KHDRBS2: variants seen among roughly 807,000 people sequenced by gnomAD.
KHDRBS2 encodes KH domain-containing, RNA-binding, signal transduction-associated protein 2.
Under a neutral mutation model 44.3 loss-of-function variants are expected in KHDRBS2, and 26 were observed. That is an observed-to-expected ratio of 0.59 (90% CI 0.43 to 0.81). KHDRBS2 has a LOEUF of 0.81. Among genes scored for constraint, KHDRBS2 ranks in the 40% least tolerant of loss-of-function variants. KHDRBS2 has a pLI of 0.00. For missense variants in KHDRBS2, 476 were observed against 433.1 expected, an observed-to-expected ratio of 1.10 and a Z score of -0.88; for synonymous variants, 194 against 151.1, an observed-to-expected ratio of 1.28 and a Z score of -2.08.
chr6:61,829,491 T>C lies in KHDRBS2; in HGVS notation c.810+65144A>G, dbSNP rs533779325. On this transcript the variant is annotated intron_variant, in intron 6 of 8. Transcript: ENST00000281156. Reference sequence around the variant, plus strand: ...ATTGAGAATTTTAAGGAGATTGCTTTGTTATTGGCTTAGAAAAATAAACTG... The same window carrying C: ...ATTGAGAATTTTAAGGAGATTGCTTCGTTATTGGCTTAGAAAAATAAACTG... 9.2e-5 allele frequency among the ~76,000 whole-genome samples: 14 copies of C among 152,218 alleles called. 1 individual carries two copies. The highest frequency in any genetic ancestry group is 5.9e-4 in the Admixed American group (9 of 15,290).
At chr6:61,594,043 C>G in the KHDRBS2 span, among the ~76,000 whole-genome samples, 2 of 151,936 alleles carry the variant, frequency 1.3e-5, no homozygotes, top group Non-Finnish European at 2.9e-5. Flanking sequence ...TGAGCTCATA[C>G]AAATATGTAT....
rs1554162476 is a variant in KHDRBS2 at position 61,696,237 on chromosome 6, T to TTTTTTTTATTTATTTATTTA, written c.952+957_952+958insTAAATAAATAAATAAAAAAA. Among the ~76,000 whole-genome samples, 104 of 146,116 alleles carry TTTTTTTTATTTATTTATTTA rather than the reference T, an allele frequency of 7.1e-4. 1 individual carries two copies. The highest frequency in any genetic ancestry group is 2.4e-3 in the African/African-American group (97 of 39,922). On this transcript the variant is annotated intron_variant, in intron 8 of 8. Transcript: ENST00000281156. ...GTCAGCTAGTGATGCCATATATGTA[T>TTTTTTTTATTTATTTATTTA]TTTATTTATTTATTTATTTATTTAT... is the stretch of plus-strand genomic sequence containing the variant.
At chr6:61,606,585 G>A in the KHDRBS2 span, among the ~76,000 whole-genome samples, 1 of 152,116 alleles carries the variant, frequency 6.6e-6, no homozygotes, top group East Asian at 1.9e-4. Flanking sequence ...TTGAGGTTAT[G>A]GTAAGAATGG....
chr6:61,848,541 GTATATATATACA>G (rs1283388140), intron 6 of KHDRBS2, among the ~76,000 whole-genome samples: 13 of 33,340 alleles, frequency 3.9e-4, no homozygotes, highest in African/African-American at 1.7e-3. Flanking sequence ...ACATATATAT[GTATATATATACA>G]TATATATATG....
chr6:62,053,997 C>G (rs1389104524), intron 2 of KHDRBS2, among the ~76,000 whole-genome samples: 1 of 151,834 alleles, frequency 6.6e-6, no homozygotes. Flanking sequence ...TAAATTTAGC[C>G]ACAGATGTTC....
Position 61,925,721 on chromosome 6 carries a change from C to T in KHDRBS2, c.484-24350G>A, listed in dbSNP as rs550277802. Among the ~76,000 whole-genome samples, 328 of 130,170 alleles carry T rather than the reference C, an allele frequency of 2.5e-3. 2 individuals are homozygous for T. In the South Asian group the frequency reaches 0.029, roughly 11 times the overall value. 85.4% of individuals were successfully genotyped at this position (130,170 alleles called of 152,430 possible). ...TGGGCAACAGAGTAAGGCTCTCTCT[C>T]TCTCAAAAAAAAAAAAAAAAGAAAT... On this transcript the variant is annotated intron_variant, in intron 4 of 8. Transcript: ENST00000281156.
At chr6:61,774,917 G>C (rs1781684975) in intron 6 of KHDRBS2, among the ~76,000 whole-genome samples, 1 of 152,106 alleles carries the variant, frequency 6.6e-6, no homozygotes. Flanking sequence ...ACTGAATCCA[G>C]CAGCACATCA....
At chr6:61,916,189 A>C (rs1270291261) in intron 4 of KHDRBS2, among the ~76,000 whole-genome samples, 3 of 152,016 alleles carry the variant, frequency 2.0e-5, no homozygotes, top group Admixed American at 1.3e-4. Context: ...TGAAAAGCTA[A>C]AAGATATTTG....
chr6:62,048,068 A>G, intron 2 of KHDRBS2, 74 bp from the exon 3 acceptor site: 1 of 881,620 alleles, frequency 1.1e-6, no homozygotes, highest in Non-Finnish European at 1.9e-6. Context: ...AGTAATTGAT[A>G]GGTTATAGGT....
chr6:62,008,174 G>A (rs1233146169), intron 3 of KHDRBS2, among the ~76,000 whole-genome samples: 1 of 152,100 alleles, frequency 6.6e-6, no homozygotes, highest in African/African-American at 2.4e-5. Context: ...TTCAGGGTCA[G>A]TTAAGCAAAT....
chr6:62,231,800 A>G (rs1832944330), intron 1 of KHDRBS2, among the ~76,000 whole-genome samples: 1 of 152,100 alleles, frequency 6.6e-6, no homozygotes, highest in South Asian at 2.1e-4. Flanking sequence ...CTCTGGAAGC[A>G]TTTACTCTCA....
chr6:61,838,960 C>G (rs1562276686), intron 6 of KHDRBS2, among the ~76,000 whole-genome samples: 1 of 152,056 alleles, frequency 6.6e-6, no homozygotes, highest in Non-Finnish European at 1.5e-5. Flanking sequence ...GTCTACCTCT[C>G]CAGGGTCATT....
chr6:61,777,171 G>A (rs1158065671), intron 6 of KHDRBS2, among the ~76,000 whole-genome samples: 1 of 152,032 alleles, frequency 6.6e-6, no homozygotes. Context: ...GTAGCATTAG[G>A]AGATACACCT....
At chr6:62,061,891 C>T (rs201893842) in intron 2 of KHDRBS2, among the ~76,000 whole-genome samples, 17 of 151,360 alleles carry the variant, frequency 1.1e-4, no homozygotes, top group Admixed American at 8.6e-4. Flanking sequence ...TCTTTTTTCT[C>T]TAAACTTCCC....
chr6:62,123,961 T>A (rs1808334685), intron 2 of KHDRBS2, among the ~76,000 whole-genome samples: 3 of 152,224 alleles, frequency 2.0e-5, no homozygotes, highest in African/African-American at 7.2e-5. Context: ...ATAGATAAAA[T>A]CCTATTACAC....
At chr6:61,583,662 C>T in the KHDRBS2 span, among the ~76,000 whole-genome samples, 1 of 151,444 alleles carries the variant, frequency 6.6e-6, no homozygotes, top group East Asian at 1.9e-4. Context: ...CAATTTTGTT[C>T]TTCTTGTTCT....
chr6:61,755,758 C>T (rs1562101890), intron 6 of KHDRBS2, among the ~76,000 whole-genome samples: 1 of 150,108 alleles, frequency 6.7e-6, no homozygotes, highest in East Asian at 2.0e-4. Context: ...CGAGATAAGG[C>T]CATTGCACTC....
rs2127303118 is a variant in KHDRBS2 at position 61,870,788 on chromosome 6, CTA to C, written c.810+23845_810+23846del. Among the ~76,000 whole-genome samples the C allele has an allele frequency of 2.7e-5, 3 of 109,930 alleles. No individual in the cohort carries two copies. In the South Asian group the frequency reaches 1.0e-3, roughly 38 times the overall value. 72.1% of individuals were successfully genotyped at this position (109,930 alleles called of 152,430 possible). A position where few individuals can be genotyped will look rare whatever the true frequency, so the allele number is the denominator to read the frequency against. ...GCAGACGTGCAGCAGAGGGGCCTGA[CTA>C]TTAGAAGAAAAACTAACAAACAGAA... is the stretch of plus-strand genomic sequence containing the variant. On this transcript the variant is annotated intron_variant, in intron 6 of 8. Coordinates refer to ENST00000281156, the MANE Select transcript of KHDRBS2 (RefSeq NM_152688.4).
intron 3 of KHDRBS2, among the ~76,000 whole-genome samples, chr6:61,987,935 A>T (rs958712294): frequency 5.9e-5 from 9 of 152,132 alleles, no homozygotes; most frequent in Non-Finnish European, 1.3e-4. Context: ...ACAATTGCAC[A>T]TCCACACAAT....
Sources: gnomAD v4.1 joint callset for allele counts (sites outside exome capture counted in the v4.1 genomes callset) on GRCh38, gnomAD v4.1.1 for gene constraint, MANE v1.5 for transcripts, NCBI Gene and HGNC (gene_info 2026-07-23, HGNC 2026-07-21) for gene names.